Variants in BMP5 observed in about 807,000 individuals in gnomAD.
BMP5 encodes bone morphogenetic protein 5.
BMP5 carries 23 observed loss-of-function variants against 46.6 expected under a neutral mutation model. The observed-to-expected ratio is 0.49, with a 90% CI of 0.35 to 0.70. The LOEUF (loss-of-function observed/expected upper bound fraction) is 0.70. Ranked by LOEUF, BMP5 falls within the 30% of genes least tolerant of loss-of-function variation. The pLI, the probability that BMP5 is intolerant of heterozygous loss-of-function variation, is 0.00. For missense variants in BMP5, 545 were observed against 565.6 expected (o/e 0.96, Z 0.37); for synonymous variants, 204 against 191.9 (o/e 1.06, Z -0.52).
At chr6:55,791,795 A>G (rs1411020163) in intron 3 of BMP5, among the ~76,000 whole-genome samples, 1 of 152,202 alleles carries the variant, frequency 6.6e-6, no homozygotes, top group Non-Finnish European at 1.5e-5. Context: ...ATCATATTTC[A>G]TAGATTTCTT....
At chr6:55,777,188 T>A (rs949504932) in intron 3 of BMP5, among the ~76,000 whole-genome samples, 13 of 151,922 alleles carry the variant, frequency 8.6e-5, no homozygotes, top group African/African-American at 2.9e-4. Flanking sequence ...TTATATTGAT[T>A]ATGTTGACTA....
intron 1 of BMP5, among the ~76,000 whole-genome samples, chr6:55,852,870 G>A (rs1412387462): frequency 6.6e-6 from 1 of 151,990 alleles, no homozygotes; most frequent in Non-Finnish European, 1.5e-5. Context: ...GGAGGCTCAC[G>A]CCTGTAATTG....
At chr6:55,826,318 A>G (rs1467817864) in intron 1 of BMP5, among the ~76,000 whole-genome samples, 1 of 151,808 alleles carries the variant, frequency 6.6e-6, no homozygotes, top group African/African-American at 2.4e-5. Context: ...TTACTCATAA[A>G]TATTTCATGA....
chr6:55,755,326 T>C lies in BMP5; in HGVS notation c.*207A>G. 2 of 516,910 alleles carry C rather than the reference T, an allele frequency of 3.9e-6. No homozygotes were observed. Among genetic ancestry groups the C allele is most frequent in the South Asian group, 5.1e-5 (2 of 38,852 alleles). 32.0% of individuals were successfully genotyped at this position (516,910 alleles called of 1,614,324 possible). ...TTGTATAATGTAGTGGCCTATGAAA[T>C]AGATTTTATTGATAAAGCCTCCACA... On this transcript the variant is annotated 3_prime_UTR_variant, in exon 7 of 7. Coordinates refer to ENST00000370830, the MANE Select transcript of BMP5 (RefSeq NM_021073.4).
intron 1 of BMP5, among the ~76,000 whole-genome samples, chr6:55,834,911 T>C (rs1228781839): frequency 6.6e-6 from 1 of 151,998 alleles, no homozygotes; most frequent in Non-Finnish European, 1.5e-5. Context: ...CGAATCCATG[T>C]CTGTACTAAA....
At chr6:55,846,163 G>T (rs16887276) in intron 1 of BMP5, among the ~76,000 whole-genome samples, 2,387 of 152,094 alleles carry the variant, frequency 0.016, 59 homozygotes, top group African/African-American at 0.054. Flanking sequence ...ATAATGAAGA[G>T]TTTTTACAAG....
intron 1 of BMP5, among the ~76,000 whole-genome samples, chr6:55,846,718 C>T (rs1207908026): frequency 6.6e-6 from 1 of 151,784 alleles, no homozygotes; most frequent in Non-Finnish European, 1.5e-5. Flanking sequence ...TGGGTTCTGA[C>T]ATCATGTCTC....
At chr6:55,768,797 G>C (rs2127518985) in intron 4 of BMP5, among the ~76,000 whole-genome samples, 1 of 152,050 alleles carries the variant, frequency 6.6e-6, no homozygotes, top group African/African-American at 2.4e-5. Context: ...GCATATGTCA[G>C]AGACATTTAC....
chr6:55,780,923 T>G lies in BMP5; in HGVS notation c.833-6680A>C, dbSNP rs190430371. The stretch of plus-strand genomic sequence containing the variant: ...CAGGACTGAGGTGATGGAAAATGAT[T>G]AGTTTCCTTCCATGGGACATCACTC... On this transcript the variant is annotated intron_variant, in intron 3 of 6. Transcript: ENST00000370830. 7.4e-4 allele frequency among the ~76,000 whole-genome samples: 113 copies of G among 152,136 alleles called. 2 individuals are homozygous for G. The East Asian group carries it at 0.02, about 27-fold the overall frequency.
At chr6:55,778,788 A>G (rs1775239234) in intron 3 of BMP5, among the ~76,000 whole-genome samples, 1 of 152,032 alleles carries the variant, frequency 6.6e-6, no homozygotes, top group African/African-American at 2.4e-5. Context: ...AGAGATCAAG[A>G]AGGATGTAGA....
At chr6:55,857,110 T>G (rs1582124981) in intron 1 of BMP5, among the ~76,000 whole-genome samples, 1 of 152,202 alleles carries the variant, frequency 6.6e-6, no homozygotes, top group Non-Finnish European at 1.5e-5. Context: ...ATATAAAATT[T>G]TGAACACTGT....
chr6:55,788,841 T>C lies in BMP5; in HGVS notation c.832+5438A>G, dbSNP rs142188561. Among the ~76,000 whole-genome samples, 85 of 152,044 alleles carry C rather than the reference T, an allele frequency of 5.6e-4. 1 individual carries two copies. The East Asian group carries it at 0.015, about 27-fold the overall frequency. On this transcript the variant is annotated intron_variant, in intron 3 of 6. Coordinates refer to ENST00000370830, the MANE Select transcript of BMP5 (RefSeq NM_021073.4). ...GCTATCTGTTCATTTATCCTCCTCATTTAAATATCAAAACTTTAAATTCTA... is the reference window on the plus strand; with the variant it reads ...GCTATCTGTTCATTTATCCTCCTCACTTAAATATCAAAACTTTAAATTCTA...
At position 55,759,077 on chromosome 6, in the gene BMP5, A is replaced by G. The variant is rs772486595; in HGVS notation, c.1143T>C (p.Tyr381=). 4 of 1,600,266 alleles carry G rather than the reference A, an allele frequency of 2.5e-6. No homozygotes were observed. In the South Asian group the frequency reaches 3.3e-5, roughly 13 times the overall value. ...IIAPEGYAAF[Y]CDGECSFPLN... ...GTGGAAAAGAACATTCTCCATCACA[A>G]TAAAATGCAGCGTATCCTTCTGGTG... is the stretch of plus-strand genomic sequence containing the variant. The change falls in exon 6 of 7, where the codon TAT becomes TAC. Residue 381 remains tyrosine, a synonymous_variant. Transcript: ENST00000370830.
chr6:55,865,533 C>G (rs1380446985), intron 1 of BMP5: 1 of 388,668 alleles, frequency 2.6e-6, no homozygotes, highest in South Asian at 1.9e-5. Flanking sequence ...CCAAAGCACT[C>G]TAGTGGGGGA....
At position 55,781,607 on chromosome 6, in the gene BMP5, ATT is replaced by A. The variant is rs1172320071; in HGVS notation, c.833-7366_833-7365del. On this transcript the variant is annotated intron_variant, in intron 3 of 6. Coordinates refer to ENST00000370830, the MANE Select transcript of BMP5 (RefSeq NM_021073.4). ...TTTACCAGCTACTATATTATTCCAA[ATT>A]TTTTTTTTTTTTTTTTGAGATGGAG... Among the ~76,000 whole-genome samples, 1,087 of 140,154 alleles carry A rather than the reference ATT, an allele frequency of 7.8e-3. 10 individuals carry two copies. The highest frequency in any genetic ancestry group is 0.025 in the African/African-American group (938 of 38,022). 91.9% of individuals were successfully genotyped at this position (140,154 alleles called of 152,430 possible). A position where few individuals can be genotyped will look rare whatever the true frequency, so the allele number is the denominator to read the frequency against.
At chr6:55,776,881 A>G (rs1337721793) in intron 3 of BMP5, among the ~76,000 whole-genome samples, 1 of 151,992 alleles carries the variant, frequency 6.6e-6, no homozygotes, top group East Asian at 1.9e-4. Flanking sequence ...GAGAAATAAT[A>G]CGGATCTGAA....
chr6:55,794,540 A>C, intron 2 of BMP5, 113 bp from the exon 3 acceptor site: 1 of 1,035,858 alleles, frequency 9.7e-7, no homozygotes, highest in South Asian at 1.3e-5. Context: ...GCAGTTAGTT[A>C]AAGAACAAGA....
intron 3 of BMP5, among the ~76,000 whole-genome samples, chr6:55,782,148 A>T (rs1775334281): frequency 6.6e-6 from 1 of 152,146 alleles, no homozygotes; most frequent in South Asian, 2.1e-4. Context: ...TACCACAAAG[A>T]AATAATAAAC....
intron 1 of BMP5, among the ~76,000 whole-genome samples, chr6:55,873,473 A>G (rs3798819): frequency 0.18 from 27,416 of 151,832 alleles, 2,932 homozygotes; most frequent in African/African-American, 0.29. Context: ...AAACATTTAA[A>G]GAAAACAACA....
Sources: gnomAD v4.1 joint callset for allele counts (sites outside exome capture counted in the v4.1 genomes callset) on GRCh38, gnomAD v4.1.1 for gene constraint, MANE v1.5 for transcripts, NCBI Gene and HGNC (gene_info 2026-07-23, HGNC 2026-07-21) for gene names.